ROBO2: variants seen among roughly 807,000 people sequenced by gnomAD.
ROBO2 encodes roundabout guidance receptor 2, also known as roundabout homolog 2.
In ROBO2, 53 loss-of-function variants were observed where a neutral mutation model predicts 160.8. That is an observed-to-expected ratio of 0.33 (90% CI 0.26 to 0.41). The LOEUF is 0.41. Among genes scored for constraint, ROBO2 ranks in the 10% least tolerant of loss-of-function variants. ROBO2 has a pLI of 1.00. For synonymous variants in ROBO2, 664 were observed against 611.7 expected, an observed-to-expected ratio of 1.09 and a Z score of -1.26; for missense variants, 1,577 against 1,722.4, an observed-to-expected ratio of 0.92 and a Z score of 1.49.
In ROBO2 at chr3:76,911,258, T is replaced by C. The variant is rs185552527; in HGVS notation, c.110-186756T>C. Reference sequence around the variant, plus strand: ...ATTTGTTGCTAAGCACAAGTCTTATTGATCTGACATAACCTTTCCTTTTTA... The same window carrying C: ...ATTTGTTGCTAAGCACAAGTCTTATCGATCTGACATAACCTTTCCTTTTTA... On this transcript the variant is annotated intron_variant, in intron 2 of 26. Transcript: ENST00000487694. 1.1e-4 allele frequency among the ~76,000 whole-genome samples: 16 copies of C among 152,328 alleles called. No individual in the cohort carries two copies. In the East Asian group the frequency reaches 1.9e-3, roughly 18 times the overall value.
intron 2 of ROBO2, among the ~76,000 whole-genome samples, chr3:76,869,798 T>A (rs917362686): frequency 6.6e-6 from 1 of 152,162 alleles, no homozygotes; most frequent in Non-Finnish European, 1.5e-5. Context: ...GTTTGGTCTA[T>A]TTATATCTTT....
chr3:76,024,989 T>A (rs1459382792), intron 2 of ROBO2, among the ~76,000 whole-genome samples: 1 of 150,506 alleles, frequency 6.6e-6, no homozygotes, highest in Non-Finnish European at 1.5e-5. Flanking sequence ...CTTAAAGGAA[T>A]TCTTTATTTG....
At chr3:77,104,187 C>T (rs1174945757) in intron 2 of ROBO2, among the ~76,000 whole-genome samples, 1 of 152,114 alleles carries the variant, frequency 6.6e-6, no homozygotes, top group East Asian at 1.9e-4. Context: ...CTAAAATAAA[C>T]TCTATACCCA....
At chr3:77,342,686 C>A (rs531387361) in intron 2 of ROBO2, among the ~76,000 whole-genome samples, 2 of 152,096 alleles carry the variant, frequency 1.3e-5, no homozygotes, top group Non-Finnish European at 2.9e-5. Context: ...TTTCATTTGC[C>A]TCCTTTTGTG....
chr3:76,862,354 C>T (rs765629042), intron 2 of ROBO2, among the ~76,000 whole-genome samples: 2 of 152,004 alleles, frequency 1.3e-5, no homozygotes, highest in Non-Finnish European at 2.9e-5. Flanking sequence ...GCTAGGTCTA[C>T]AAGGCAAACT....
At chr3:76,590,196 A>G (rs1265021216) in intron 2 of ROBO2, among the ~76,000 whole-genome samples, 1 of 152,186 alleles carries the variant, frequency 6.6e-6, no homozygotes, top group Non-Finnish European at 1.5e-5. Flanking sequence ...CTCAAACTTT[A>G]GATAAAAGTC....
chr3:76,979,108 A>T (rs536008444), intron 2 of ROBO2, among the ~76,000 whole-genome samples: 1 of 151,858 alleles, frequency 6.6e-6, no homozygotes, highest in Non-Finnish European at 1.5e-5. Flanking sequence ...ACACCTGGAT[A>T]TTTTTTGTGT....
At chr3:76,106,121 TTGAC>T (rs1282690738) in intron 2 of ROBO2, among the ~76,000 whole-genome samples, 2 of 152,148 alleles carry the variant, frequency 1.3e-5, no homozygotes, top group African/African-American at 2.4e-5. Context: ...TGGGCCCTGT[TTGAC>T]TGGTAGAGAC....
chr3:77,086,142 A>G (rs2069275101), intron 1 of ROBO2, among the ~76,000 whole-genome samples: 1 of 152,124 alleles, frequency 6.6e-6, no homozygotes, highest in Non-Finnish European at 1.5e-5. Context: ...TGCTTTAAAA[A>G]GGCCGTTATC....
chr3:75,985,576 T>C (rs1404419858), intron 2 of ROBO2, among the ~76,000 whole-genome samples: 4 of 151,574 alleles, frequency 2.6e-5, no homozygotes, highest in Non-Finnish European at 5.9e-5. Context: ...AAGTGGTCTG[T>C]TGTTGACAGA....
chr3:77,257,949 C>T (rs969858182), intron 2 of ROBO2, among the ~76,000 whole-genome samples: 2 of 152,076 alleles, frequency 1.3e-5, no homozygotes, highest in Admixed American at 1.3e-4. Context: ...TGTTATAATG[C>T]CATTTAAACC....
At chr3:77,398,421 A>G (rs1288208752) in intron 2 of ROBO2, among the ~76,000 whole-genome samples, 1 of 144,596 alleles carries the variant, frequency 6.9e-6, no homozygotes, top group East Asian at 2.1e-4. Flanking sequence ...AGATACAATC[A>G]GAGAGAAACA....
intron 2 of ROBO2, among the ~76,000 whole-genome samples, chr3:76,232,681 G>A (rs1309521147): frequency 1.3e-5 from 2 of 152,106 alleles, no homozygotes; most frequent in Non-Finnish European, 2.9e-5. Context: ...GCTGTTAACT[G>A]TATATCAATG....
chr3:77,569,735 A>G (rs1172441788), intron 13 of ROBO2, among the ~76,000 whole-genome samples: 1 of 151,898 alleles, frequency 6.6e-6, no homozygotes, highest in Non-Finnish European at 1.5e-5. Flanking sequence ...TGCCTTAGCT[A>G]TTCAGGCTTT....
chr3:77,597,291 A>G (rs2094327695), intron 19 of ROBO2, among the ~76,000 whole-genome samples: 1 of 137,220 alleles, frequency 7.3e-6, no homozygotes. Context: ...AGTAACTGTT[A>G]TCCAAAAATA....
intron 2 of ROBO2, among the ~76,000 whole-genome samples, chr3:76,415,752 A>G (rs1411233422): frequency 1.3e-5 from 2 of 152,182 alleles, no homozygotes; most frequent in African/African-American, 2.4e-5. Flanking sequence ...TCAACCTGTC[A>G]TCTTTTATGC....
Position 76,682,712 on chromosome 3 carries a change from T to A in ROBO2, c.110-415302T>A, listed in dbSNP as rs570556048. Among the ~76,000 whole-genome samples, 16 of 152,256 alleles carry A rather than the reference T, an allele frequency of 1.1e-4. No homozygotes were observed. The South Asian group carries it at 3.3e-3, about 32-fold the overall frequency. The stretch of plus-strand genomic sequence containing the variant: ...TGAGCCACGGTGCCCGGCCCAAAAA[T>A]TTCTTTAAAATTGAAAAAGAATGAC... On this transcript the variant is annotated intron_variant, in intron 2 of 26. Transcript: ENST00000487694.
At chr3:77,334,529 C>T (rs2066288387) in intron 2 of ROBO2, among the ~76,000 whole-genome samples, 1 of 152,184 alleles carries the variant, frequency 6.6e-6, no homozygotes, top group South Asian at 2.1e-4. Context: ...TTCATTCATT[C>T]ATACATCACA....
At chr3:76,246,992 T>A (rs1159461033) in intron 2 of ROBO2, among the ~76,000 whole-genome samples, 1 of 152,106 alleles carries the variant, frequency 6.6e-6, no homozygotes, top group Non-Finnish European at 1.5e-5. Context: ...TGCTCAAGGG[T>A]GACCAGCAAA....
Sources: gnomAD v4.1 joint callset for allele counts (sites outside exome capture counted in the v4.1 genomes callset) on GRCh38, gnomAD v4.1.1 for gene constraint, MANE v1.5 for transcripts, NCBI Gene and HGNC (gene_info 2026-07-23, HGNC 2026-07-21) for gene names.